Variants in BID observed in about 807,000 individuals in gnomAD.
The protein encoded by BID is BH3 interacting domain death agonist.
In BID, 19 loss-of-function variants were observed where a neutral mutation model predicts 17.4. The observed-to-expected ratio is 1.09, with a 90% CI of 0.76 to 1.60. The LOEUF (loss-of-function observed/expected upper bound fraction) is 1.60, where lower values mean the gene tolerates loss of function less well. Among genes scored for constraint, BID ranks in the 40% most tolerant of loss-of-function variants. BID has a pLI of 0.00. For missense variants in BID, 226 were observed against 256.0 expected, an observed-to-expected ratio of 0.88 and a Z score of 0.80; for synonymous variants, 108 against 102.8, an observed-to-expected ratio of 1.05 and a Z score of -0.31.
intron 1 of BID, among the ~76,000 whole-genome samples, chr22:17,757,330 G>A (rs1019735599): frequency 1.3e-5 from 2 of 149,398 alleles, no homozygotes; most frequent in Non-Finnish European, 3.0e-5. Context: ...TTGAGCCCGG[G>A]AGGTGGAGGT....
At chr22:17,749,842 C>G (rs569955110) in intron 2 of BID, among the ~76,000 whole-genome samples, 28 of 152,226 alleles carry the variant, frequency 1.8e-4, no homozygotes, top group Admixed American at 5.2e-4. Context: ...AGCCCCCTCG[C>G]CCTTGCAGTT....
intron 1 of BID, among the ~76,000 whole-genome samples, chr22:17,759,421 G>T (rs141567905): frequency 6.6e-6 from 1 of 151,258 alleles, no homozygotes; most frequent in Non-Finnish European, 1.5e-5. Context: ...TTAGCCGGGC[G>T]TGCACCTGTA....
chr22:17,771,548 C>T (rs1007154188), intron 1 of BID, among the ~76,000 whole-genome samples: 1 of 152,148 alleles, frequency 6.6e-6, no homozygotes, highest in African/African-American at 2.4e-5. Context: ...AAGCCACTTC[C>T]TCCTTTTCTT....
At chr22:17,750,361 T>C (rs543174071) in intron 1 of BID, among the ~76,000 whole-genome samples, 187 bp from the exon 2 acceptor site, 2 of 152,276 alleles carry the variant, frequency 1.3e-5, no homozygotes, top group East Asian at 3.9e-4. Context: ...TTCCAGATAC[T>C]CACCCAGGCG....
chr22:17,757,515 T>G (rs186334298), intron 1 of BID, among the ~76,000 whole-genome samples: 1 of 150,714 alleles, frequency 6.6e-6, no homozygotes, highest in African/African-American at 2.4e-5. Flanking sequence ...CAGACCATCC[T>G]GGCTAACACG....
intron 1 of BID, among the ~76,000 whole-genome samples, chr22:17,755,848 T>A (rs1196530874): frequency 1.3e-5 from 2 of 151,656 alleles, no homozygotes; most frequent in African/African-American, 4.8e-5. Context: ...GAGAAGGTGA[T>A]TTCCTTTTTG....
chr22:17,739,188 G>A (rs528661862), intron 4 of BID, among the ~76,000 whole-genome samples, 161 bp downstream of exon 4: 3 of 152,068 alleles, frequency 2.0e-5, no homozygotes, highest in African/African-American at 7.2e-5. Context: ...CTTCTGCAAG[G>A]CAATGAACCA....
In BID at chr22:17,739,462, G is replaced by A. The variant is rs148107209; in HGVS notation, c.250C>T (p.Arg84Trp). The change falls in exon 4 of 6, where the codon CGG (arginine) becomes TGG (tryptophan). Residue 84 changes from arginine to tryptophan, a missense_variant. Transcript: ENST00000622694. ...ADSESQEDII[R>W]NIARHLAQVG... ...TGGGCGAGGTGCCTGGCAATATTCC[G>A]GATGATGTCTTCTTGACTTTCAGAA... 90 of 1,612,258 alleles carry A rather than the reference G, an allele frequency of 5.6e-5. No homozygotes were observed. Among genetic ancestry groups the A allele is most frequent in the African/African-American group, 4.7e-4 (35 of 74,940 alleles).
chr22:17,770,566 T>G (rs1019294107), intron 1 of BID, among the ~76,000 whole-genome samples: 3 of 152,178 alleles, frequency 2.0e-5, no homozygotes, highest in Admixed American at 2.0e-4. Flanking sequence ...TTACACAAAT[T>G]AAACCAAACC....
At chr22:17,757,889 G>T (rs529865226) in intron 1 of BID, among the ~76,000 whole-genome samples, 1 of 152,176 alleles carries the variant, frequency 6.6e-6, no homozygotes, top group African/African-American at 2.4e-5. Flanking sequence ...GCTACCCATC[G>T]ATCCGTTACG....
At chr22:17,757,277 T>C (rs2061598082) in intron 1 of BID, among the ~76,000 whole-genome samples, 1 of 151,578 alleles carries the variant, frequency 6.6e-6, no homozygotes, top group African/African-American at 2.4e-5. Context: ...TAGCCAGGCA[T>C]GGTGGCGTGT....
chr22:17,740,111 C>CA, intron 3 of BID: 1 of 1,166,160 alleles, frequency 8.6e-7, no homozygotes, highest in Non-Finnish European at 1.2e-6. Flanking sequence ...AGGCCACGCT[C>CA]AACTGCCACG....
chr22:17,769,970 T>C lies in BID; in HGVS notation c.-59+4411A>G, dbSNP rs945455575. ...TCACAGGAACGGAGCTCCTCGGGGATGGCCACCTTCCTGGACTTACCCCCA... is the reference window on the plus strand; with the variant it reads ...TCACAGGAACGGAGCTCCTCGGGGACGGCCACCTTCCTGGACTTACCCCCA... On this transcript the variant is annotated intron_variant, in intron 1 of 5. Coordinates refer to ENST00000622694, the MANE Select transcript of BID (RefSeq NM_001196.4). This position sits in a 1 kb window ranked among gnomAD's most constrained non-coding sequence, Gnocchi z 4.8. Among the ~76,000 whole-genome samples the C allele has an allele frequency of 2.6e-4, 40 of 152,134 alleles. 1 individual carries two copies. Among genetic ancestry groups the C allele is most frequent in the Non-Finnish European group, 7.4e-5 (5 of 68,008 alleles).
Position 17,757,695 on chromosome 22 carries a change from C to T in BID, c.-58-7521G>A, listed in dbSNP as rs988070124. On this transcript the variant is annotated intron_variant, in intron 1 of 5. Coordinates refer to ENST00000622694, the MANE Select transcript of BID (RefSeq NM_001196.4). Reference sequence around the variant, plus strand: ...CTGTACTCCAGCCTGCGCGACAGAGCGAGACTCCGTCTCAAAAAAAAAAAA... The same window carrying T: ...CTGTACTCCAGCCTGCGCGACAGAGTGAGACTCCGTCTCAAAAAAAAAAAA... Among the ~76,000 whole-genome samples, 9 of 141,130 alleles carry T rather than the reference C, an allele frequency of 6.4e-5. No individual in the cohort carries two copies. The East Asian group carries it at 1.0e-3, about 16-fold the overall frequency. The allele number at this position is 141,130 out of a possible 152,430, so 92.6% of individuals were successfully genotyped here.
At position 17,748,350 on chromosome 22, in the gene BID, T is replaced by C. The variant is rs2061510490; in HGVS notation, c.12+1755A>G. ...CGGTGAAACCCCGTCTTTACTAAGA[T>C]ACAAAAAATGAGCCGGGCGTGGTGG... On this transcript the variant is annotated intron_variant, in intron 2 of 5. Coordinates refer to ENST00000622694, the MANE Select transcript of BID (RefSeq NM_001196.4). Among the ~76,000 whole-genome samples the C allele has an allele frequency of 6.1e-5, 9 of 148,684 alleles. No homozygotes were observed. In the South Asian group the frequency reaches 1.9e-3, roughly 32 times the overall value.
At chr22:17,748,444 C>G (rs146104046) in intron 2 of BID, among the ~76,000 whole-genome samples, 4,355 of 151,728 alleles carry the variant, frequency 0.029, 96 homozygotes, top group African/African-American at 0.067. Context: ...GGAGGCGGAG[C>G]CTGCAGTGAG....
chr22:17,760,366 C>T (rs1456581816), intron 1 of BID, among the ~76,000 whole-genome samples: 1 of 141,778 alleles, frequency 7.1e-6, no homozygotes, highest in Non-Finnish European at 1.5e-5. Context: ...GCAGAAGAAT[C>T]GCTTGAACCC....
In BID at chr22:17,773,872, C is replaced by T. The variant is rs2061739592; in HGVS notation, c.-59+509G>A. The T allele has an allele frequency of 7.8e-6, 5 of 641,128 alleles. No individual in the cohort carries two copies. The South Asian group carries it at 9.5e-5, about 12-fold the overall frequency. The allele number at this position is 641,128 out of a possible 1,614,324, so 39.7% of individuals were successfully genotyped here. A position where few individuals can be genotyped will look rare whatever the true frequency, so the allele number is the denominator to read the frequency against. On this transcript the variant is annotated intron_variant, in intron 1 of 5. Coordinates refer to ENST00000622694, the MANE Select transcript of BID (RefSeq NM_001196.4). This position sits in a 1 kb window ranked among gnomAD's most constrained non-coding sequence, Gnocchi z 4.4. Reference sequence around the variant, plus strand: ...GAGCGGGCGAGCCCCAGTAAGCGGCCGCTCTGACCGCGCTTTGTCAGCCCT... The same window carrying T: ...GAGCGGGCGAGCCCCAGTAAGCGGCTGCTCTGACCGCGCTTTGTCAGCCCT...
At position 17,748,118 on chromosome 22, in the gene BID, A is replaced by G. The variant is rs577163794; in HGVS notation, c.12+1987T>C. ...CAGCTACTCGAGAGGCTGAGGCAGG[A>G]GAATGGCATGAACTTGGGAGGCGGA... On this transcript the variant is annotated intron_variant, in intron 2 of 5. Transcript: ENST00000622694. Among the ~76,000 whole-genome samples, 3 of 150,284 alleles carry G rather than the reference A, an allele frequency of 2.0e-5. No individual in the cohort carries two copies. The South Asian group carries it at 6.3e-4, about 32-fold the overall frequency.
Sources: allele counts gnomAD v4.1 joint callset (sites outside exome capture counted in the v4.1 genomes callset), GRCh38; gene constraint gnomAD v4.1.1; non-coding constraint Gnocchi (gnomAD v3.1); transcripts MANE v1.5; gene names NCBI Gene and HGNC (gene_info 2026-07-23, HGNC 2026-07-21).